Variants in PTPRD observed in about 807,000 individuals in gnomAD.
The protein encoded by PTPRD is protein tyrosine phosphatase receptor type D.
PTPRD carries 34 observed loss-of-function variants against 214.5 expected under a neutral mutation model. The observed-to-expected ratio is 0.16, with a 90% confidence interval of 0.12 to 0.21. The LOEUF is 0.21. Among genes scored for constraint, PTPRD ranks in the 10% least tolerant of loss-of-function variants. The probability of loss-of-function intolerance (pLI) is 1.00; values close to 1 mark genes in which losing one functional copy is unlikely to be tolerated. For missense variants in PTPRD, 2,545 were observed against 2,398.7 expected (o/e 1.06, Z -1.27); for synonymous variants, 1,128 against 845.7 (o/e 1.33, Z -5.79).
chr9:9,046,243 A>G (rs1009289644), intron 10 of PTPRD, among the ~76,000 whole-genome samples: 1 of 152,220 alleles, frequency 6.6e-6, no homozygotes, highest in African/African-American at 2.4e-5. Context: ...TTATAAAGAC[A>G]TAGTTTATAC....
chr9:9,874,526 C>T (rs2066328783), intron 5 of PTPRD, among the ~76,000 whole-genome samples: 1 of 152,004 alleles, frequency 6.6e-6, no homozygotes, highest in African/African-American at 2.4e-5. Context: ...AATCCAGAGA[C>T]CTAAAACAGG....
chr9:9,894,432 T>A (rs12006397), intron 5 of PTPRD, among the ~76,000 whole-genome samples: 17,718 of 152,112 alleles, frequency 0.12, 2,771 homozygotes, highest in African/African-American at 0.35. Flanking sequence ...CTCATTGTGC[T>A]TTAATCAGAT....
rs10977082 is a variant in PTPRD, at chr9:8,423,829, T to C, written c.4086+12763A>G. 4.9e-3 allele frequency among the ~76,000 whole-genome samples: 741 copies of C among 152,214 alleles called. 9 individuals carry two copies. Among genetic ancestry groups the C allele is most frequent in the African/African-American group, 0.017 (707 of 41,518 alleles). ...TCCCATCAACCATCTGCTTTTTTTT[T>C]CCTTGATTTTATTTACCTAGATCAA... On this transcript the variant is annotated intron_variant, in intron 35 of 45. Transcript: ENST00000381196.
At chr9:8,884,102 G>A (rs775104358) in intron 11 of PTPRD, among the ~76,000 whole-genome samples, 12 of 152,088 alleles carry the variant, frequency 7.9e-5, no homozygotes, top group African/African-American at 2.2e-4. Flanking sequence ...ATTGAGGTTC[G>A]GGAATATGAA....
At chr9:10,497,263 G>A (rs1047090357) in intron 2 of PTPRD, among the ~76,000 whole-genome samples, 10 of 151,776 alleles carry the variant, frequency 6.6e-5, no homozygotes, top group South Asian at 6.2e-4. Context: ...ATACTCATGC[G>A]GTAAACCTGT....
intron 2 of PTPRD, among the ~76,000 whole-genome samples, chr9:10,456,739 C>T (rs112521942): frequency 0.012 from 1,827 of 151,962 alleles, 34 homozygotes; most frequent in African/African-American, 0.04. Context: ...GCAATGGAAA[C>T]ACATTTGTAG....
chr9:9,927,668 G>A (rs2084823461), intron 5 of PTPRD, among the ~76,000 whole-genome samples: 1 of 151,946 alleles, frequency 6.6e-6, no homozygotes. Flanking sequence ...TCCTATGATG[G>A]ATAAATTACA....
At chr9:10,036,774 G>C (rs13294987) in intron 3 of PTPRD, among the ~76,000 whole-genome samples, 50,503 of 151,748 alleles carry the variant, frequency 0.33, 8,842 homozygotes, top group East Asian at 0.62. Flanking sequence ...AGTAGAGACA[G>C]GGTTTCATCA....
At chr9:8,430,781 T>C (rs1231727426) in intron 35 of PTPRD, among the ~76,000 whole-genome samples, 1 of 152,146 alleles carries the variant, frequency 6.6e-6, no homozygotes, top group Non-Finnish European at 1.5e-5. Context: ...AAAATGCACT[T>C]CACTCCTCTT....
At chr9:8,459,921 T>C (rs187230355) in intron 33 of PTPRD, among the ~76,000 whole-genome samples, 30 of 152,230 alleles carry the variant, frequency 2.0e-4, no homozygotes, top group African/African-American at 6.5e-4. Context: ...TAATCCTTAA[T>C]TTTTATCTGC....
intron 5 of PTPRD, among the ~76,000 whole-genome samples, chr9:9,837,208 G>C (rs1299805205): frequency 6.6e-6 from 1 of 152,000 alleles, no homozygotes; most frequent in African/African-American, 2.4e-5. Context: ...TAATGAGATG[G>C]ATCATAATAA....
chr9:10,141,413 C>T (rs1225294774), intron 3 of PTPRD, among the ~76,000 whole-genome samples: 1 of 152,082 alleles, frequency 6.6e-6, no homozygotes, highest in Admixed American at 6.6e-5. Context: ...TCTCAGGATA[C>T]AAAATCAATG....
chr9:9,682,498 GTAGGGTAGATCAATGCAAGTGA>G (rs1203545927), intron 7 of PTPRD, among the ~76,000 whole-genome samples: 35 of 151,748 alleles, frequency 2.3e-4, no homozygotes, highest in South Asian at 6.2e-4. Context: ...TTTATTTATG[GTAGGGTAGATCAATGCAAGTGA>G]TAGGGTAGAT....
chr9:8,814,672 C>T (rs1052776071), intron 11 of PTPRD, among the ~76,000 whole-genome samples: 5 of 152,088 alleles, frequency 3.3e-5, no homozygotes, highest in East Asian at 1.9e-4. Context: ...CCATCTGTGA[C>T]GTAGATTATG....
chr9:10,058,939 A>T (rs2154165408), intron 3 of PTPRD, among the ~76,000 whole-genome samples: 1 of 152,296 alleles, frequency 6.6e-6, no homozygotes, highest in Admixed American at 6.5e-5. Flanking sequence ...TCTCTGAAAT[A>T]GGTAGAATTT....
intron 14 of PTPRD, among the ~76,000 whole-genome samples, chr9:8,555,415 G>A (rs2083429007): frequency 6.6e-6 from 1 of 152,092 alleles, no homozygotes. Context: ...AGACTAAAAG[G>A]GAGTAAAAGC....
chr9:9,367,544 T>C (rs2139480674), intron 9 of PTPRD, among the ~76,000 whole-genome samples: 1 of 151,714 alleles, frequency 6.6e-6, no homozygotes, highest in East Asian at 2.0e-4. Context: ...ACAGGATCTG[T>C]ACTGTTCAAC....
Position 10,348,686 on chromosome 9 carries a change from G to C in PTPRD, c.-599-7669C>G, listed in dbSNP as rs191695167. Among the ~76,000 whole-genome samples, 398 of 152,214 alleles carry C rather than the reference G, an allele frequency of 2.6e-3. 1 individual carries two copies. Among genetic ancestry groups the C allele is most frequent in the Middle Eastern group, 3.4e-3 (1 of 294 alleles). ...TATTTCATTTTAAAAATCTTGTAAA[G>C]TTTTTCTAATAATGTGAGTAAAACG... is the stretch of plus-strand genomic sequence containing the variant. On this transcript the variant is annotated intron_variant, in intron 2 of 45. Transcript: ENST00000381196.
chr9:9,141,910 T>G (rs1235673824), intron 10 of PTPRD, among the ~76,000 whole-genome samples: 1 of 152,124 alleles, frequency 6.6e-6, no homozygotes, highest in Non-Finnish European at 1.5e-5. Context: ...AATAGATTAA[T>G]AGTTTTGGCT....
Sources: allele counts gnomAD v4.1 joint callset (sites outside exome capture counted in the v4.1 genomes callset), GRCh38; gene constraint gnomAD v4.1.1; transcripts MANE v1.5; gene names NCBI Gene and HGNC (gene_info 2026-07-23, HGNC 2026-07-21).